ORC5: variants seen among roughly 807,000 people sequenced by gnomAD.
ORC5 encodes protein phosphatase 1, regulatory subunit 117.
Under a neutral mutation model 58.8 loss-of-function variants are expected in ORC5, and 39 were observed. That is an observed-to-expected ratio of 0.66 (90% CI 0.51 to 0.87). The LOEUF is 0.87. ORC5 is among the 40% of genes least tolerant of loss of function. ORC5 has a pLI of 0.00. For synonymous variants in ORC5, 218 were observed against 177.6 expected (o/e 1.23, Z -1.81); for missense variants, 493 against 506.3 (o/e 0.97, Z 0.25).
At chr7:104,195,978 C>T (rs528724154) in intron 4 of ORC5, among the ~76,000 whole-genome samples, 4 of 151,508 alleles carry the variant, frequency 2.6e-5, no homozygotes, top group African/African-American at 9.8e-5. Flanking sequence ...AAATACTTAA[C>T]ATAAAAAAAT....
chr7:104,201,046 C>G (rs1433127960), intron 2 of ORC5, 88 bp from the exon 3 acceptor site: 2 of 1,157,412 alleles, frequency 1.7e-6, no homozygotes, highest in Admixed American at 4.4e-5. Flanking sequence ...ATTTGCCTTT[C>G]TAAATCTATA....
intron 12 of ORC5, among the ~76,000 whole-genome samples, chr7:104,157,772 C>CAAT (rs1798951108): frequency 6.6e-6 from 1 of 151,914 alleles, no homozygotes; most frequent in Admixed American, 6.6e-5. Context: ...TGTAAGGTAC[C>CAAT]AATAGTAAGG....
At chr7:104,197,640 C>T (rs1354880309) in intron 4 of ORC5, 85 bp downstream of exon 4, 5 of 762,314 alleles carry the variant, frequency 6.6e-6, no homozygotes, top group African/African-American at 1.8e-5. Flanking sequence ...CTAATTCTCA[C>T]CTATCAAATA....
intron 13 of ORC5, among the ~76,000 whole-genome samples, chr7:104,135,691 A>G (rs1798577140): frequency 6.6e-6 from 1 of 152,202 alleles, no homozygotes; most frequent in South Asian, 2.1e-4. Flanking sequence ...TCAGAACCTC[A>G]AGAAGCTGTA....
At chr7:104,134,416 CAAAAAAAAAAA>C (rs1170848776) in intron 13 of ORC5, among the ~76,000 whole-genome samples, 4 of 51,804 alleles carry the variant, frequency 7.7e-5, no homozygotes, top group African/African-American at 1.4e-4. Flanking sequence ...CACTCCATCT[CAAAAAAAAAAA>C]AAAAAAAAAA....
intron 5 of ORC5, among the ~76,000 whole-genome samples, chr7:104,193,028 T>C (rs1562827234): frequency 6.6e-6 from 1 of 151,808 alleles, no homozygotes; most frequent in East Asian, 1.9e-4. Context: ...ACAAAAAAGA[T>C]AGAGAAGAAA....
At position 104,198,418 on chromosome 7, in the gene ORC5, ACT is replaced by A. The variant is rs1367769701; in HGVS notation, c.367-621_367-620del. Among the ~76,000 whole-genome samples, 6 of 152,192 alleles carry A rather than the reference ACT, an allele frequency of 3.9e-5. No individual in the cohort carries two copies. In the East Asian group the frequency reaches 1.2e-3, roughly 29 times the overall value. On this transcript the variant is annotated intron_variant, in intron 3 of 13. Coordinates refer to ENST00000297431, the MANE Select transcript of ORC5 (RefSeq NM_002553.4). ...TAATTGGGGACAGGGAATAAAAGTG[ACT>A]CTTGCTATGCTCTAGCAAAGAGAAG... is the stretch of plus-strand genomic sequence containing the variant.
At chr7:104,204,657 G>A (rs1800030733) in intron 1 of ORC5, among the ~76,000 whole-genome samples, 1 of 152,052 alleles carries the variant, frequency 6.6e-6, no homozygotes, top group Admixed American at 6.6e-5. Flanking sequence ...ATGAAATAAA[G>A]TACATATAAT....
At chr7:104,159,516 A>G (rs566218868) in intron 12 of ORC5, among the ~76,000 whole-genome samples, 8 of 145,176 alleles carry the variant, frequency 5.5e-5, no homozygotes, top group Non-Finnish European at 1.2e-4. Flanking sequence ...CTTGTAGAGA[A>G]AGCCAAAAAA....
chr7:104,149,612 C>T (rs10262796), intron 12 of ORC5, among the ~76,000 whole-genome samples: 8,626 of 152,222 alleles, frequency 0.057, 804 homozygotes, highest in African/African-American at 0.2. Flanking sequence ...ATGTTTTCCA[C>T]TGATGTTTTT....
chr7:104,139,571 G>A (rs920929761), intron 12 of ORC5, among the ~76,000 whole-genome samples: 1 of 151,944 alleles, frequency 6.6e-6, no homozygotes, highest in Non-Finnish European at 1.5e-5. Flanking sequence ...CTTATGTAGA[G>A]AAAATCCTAT....
At chr7:104,135,938 T>C (rs1167873138) in intron 13 of ORC5, among the ~76,000 whole-genome samples, 1 of 152,174 alleles carries the variant, frequency 6.6e-6, no homozygotes, top group East Asian at 1.9e-4. Flanking sequence ...ACCTCTTCCA[T>C]TACAGTCCTG....
At chr7:104,146,127 T>A (rs760887516) in intron 12 of ORC5, among the ~76,000 whole-genome samples, 5 of 152,216 alleles carry the variant, frequency 3.3e-5, no homozygotes, top group Non-Finnish European at 5.9e-5. Flanking sequence ...TATATCCTCA[T>A]GAGTTTTCTA....
chr7:104,182,460 A>G (rs1447148964), intron 8 of ORC5, among the ~76,000 whole-genome samples: 1 of 152,108 alleles, frequency 6.6e-6, no homozygotes, highest in Non-Finnish European at 1.5e-5. Context: ...GACCTAAAAG[A>G]TTCTTTAGTC....
In ORC5 at chr7:104,204,241, A is replaced by G. The variant is rs771531632; in HGVS notation, c.73-7T>C. ...GAAAGCTGAAATGATGTCTCTAACG[A>G]GAGAAAAGACAAATATGAGGCTGCA... On this transcript the variant is annotated splice_region_variant and splice_polypyrimidine_tract_variant and intron_variant, in intron 1 of 13. Coordinates refer to ENST00000297431, the MANE Select transcript of ORC5 (RefSeq NM_002553.4). The G allele has an allele frequency of 2.0e-6, 3 of 1,521,288 alleles. No homozygotes were observed. Among genetic ancestry groups the G allele is most frequent in the Non-Finnish European group, 2.7e-6 (3 of 1,104,114 alleles). The allele number at this position is 1,521,288 out of a possible 1,614,324, so 94.2% of individuals were successfully genotyped here.
At chr7:104,195,080 C>A in intron 5 of ORC5, 63 bp downstream of exon 5, 1 of 816,398 alleles carries the variant, frequency 1.2e-6, no homozygotes, top group Non-Finnish European at 2.0e-6. Flanking sequence ...CTAGTTTAAT[C>A]TTTCAAACAA....
At chr7:104,184,649 C>T (rs542262785) in intron 6 of ORC5, among the ~76,000 whole-genome samples, 1 of 151,858 alleles carries the variant, frequency 6.6e-6, no homozygotes, top group Non-Finnish European at 1.5e-5. Context: ...TTTGATATGG[C>T]TAATCAGAAG....
chr7:104,136,850 T>C lies in ORC5; in HGVS notation c.1193A>G (p.His398Arg), dbSNP rs1007711376. 3.1e-6 allele frequency: 5 copies of C among 1,614,042 alleles called. No homozygotes were observed. In the South Asian group the frequency reaches 4.4e-5, roughly 14 times the overall value. Residue 398 changes from histidine (H) to arginine (R), a missense_variant, in exon 13 of 14, where the codon CAT becomes CGT. His to Arg is a conservative substitution (Grantham distance 29). Coordinates refer to ENST00000297431, the MANE Select transcript of ORC5 (RefSeq NM_002553.4). This position sits in a 1 kb window ranked among gnomAD's most constrained non-coding sequence, Gnocchi z 4.2. Reference protein sequence around the residue: ...VTLQLLTLVGHDDQLDGPKYK... With the variant: ...VTLQLLTLVGRDDQLDGPKYK... ...TTTTGGTCCATCAAGCTGATCGTCA[T>C]GGCCAACCAGGGTTAACAGCTGAAG... is the stretch of plus-strand genomic sequence containing the variant.
At chr7:104,146,653 G>A (rs1352497175) in intron 12 of ORC5, among the ~76,000 whole-genome samples, 1 of 152,192 alleles carries the variant, frequency 6.6e-6, no homozygotes, top group Non-Finnish European at 1.5e-5. Context: ...TGGGGAAGGG[G>A]AGGAAGAGAG....
Sources: allele counts gnomAD v4.1 joint callset (sites outside exome capture counted in the v4.1 genomes callset), GRCh38; gene constraint gnomAD v4.1.1; non-coding constraint Gnocchi (gnomAD v3.1); transcripts MANE v1.5; gene names NCBI Gene and HGNC (gene_info 2026-07-23, HGNC 2026-07-21).